Variants in CADM1 observed in about 807,000 individuals in gnomAD.
The protein encoded by CADM1 is cell adhesion molecule 1.
In CADM1, 15 loss-of-function variants were observed where a neutral mutation model predicts 53.1. That is an observed-to-expected ratio of 0.28 (90% CI 0.19 to 0.44). The LOEUF (loss-of-function observed/expected upper bound fraction) is 0.44, where lower values mean the gene tolerates loss of function less well. Ranked by LOEUF, CADM1 falls within the 20% of genes least tolerant of loss-of-function variation. CADM1 has a pLI of 1.00. For synonymous variants in CADM1, 281 were observed against 243.0 expected (o/e 1.16, Z -1.45); for missense variants, 434 against 611.3 (o/e 0.71, Z 3.06).
At chr11:115,379,955 T>C (rs1946532824) in intron 1 of CADM1, among the ~76,000 whole-genome samples, 1 of 152,146 alleles carries the variant, frequency 6.6e-6, no homozygotes. Context: ...CAGTATAGAC[T>C]ATATAATAAA....
intron 3 of CADM1, among the ~76,000 whole-genome samples, 168 bp from the exon 4 acceptor site, chr11:115,231,658 T>C (rs11215436): frequency 0.057 from 8,740 of 152,298 alleles, 364 homozygotes; most frequent in Admixed American, 0.14. Context: ...CAAAATCAGT[T>C]AATTTAGAAT....
intron 1 of CADM1, among the ~76,000 whole-genome samples, chr11:115,248,302 C>A (rs1942474914): frequency 6.6e-6 from 1 of 152,204 alleles, no homozygotes; most frequent in African/African-American, 2.4e-5. Context: ...TGTACTATTA[C>A]AATTTCAACC....
intron 1 of CADM1, among the ~76,000 whole-genome samples, chr11:115,241,848 T>A (rs893370931): frequency 1.4e-4 from 22 of 151,884 alleles, no homozygotes; most frequent in Non-Finnish European, 2.1e-4. Context: ...TGTTCCCACA[T>A]AAAGAAACAA....
At chr11:115,266,574 T>C (rs1363627141) in intron 1 of CADM1, among the ~76,000 whole-genome samples, 2 of 152,362 alleles carry the variant, frequency 1.3e-5, no homozygotes, top group African/African-American at 4.8e-5. Flanking sequence ...ATGCTTGTTC[T>C]ATGCCAGCCA....
At chr11:115,310,905 A>C (rs1204165895) in intron 1 of CADM1, among the ~76,000 whole-genome samples, 1 of 152,216 alleles carries the variant, frequency 6.6e-6, no homozygotes, top group African/African-American at 2.4e-5. Flanking sequence ...GTAACATAAA[A>C]GTCTGTGGCA....
chr11:115,278,658 A>C (rs1331623770), intron 1 of CADM1, among the ~76,000 whole-genome samples: 3 of 152,202 alleles, frequency 2.0e-5, no homozygotes, highest in Admixed American at 2.0e-4. Flanking sequence ...ACAATTCTAC[A>C]GAAGTTTGTA....
At chr11:115,199,089 G>A (rs1940298255) in intron 8 of CADM1, among the ~76,000 whole-genome samples, 1 of 152,142 alleles carries the variant, frequency 6.6e-6, no homozygotes, top group South Asian at 2.1e-4. Flanking sequence ...GGTTTTCACA[G>A]ATTAGTTTCT....
chr11:115,334,269 AT>A (rs1174281134), intron 1 of CADM1, among the ~76,000 whole-genome samples: 1 of 152,182 alleles, frequency 6.6e-6, no homozygotes, highest in East Asian at 1.9e-4. Flanking sequence ...TAAACTCCAC[AT>A]CATAAAGAAT....
Position 115,447,482 on chromosome 11 carries a change from C to G in CADM1, c.124+56789G>C, listed in dbSNP as rs567040345. Among the ~76,000 whole-genome samples the G allele has an allele frequency of 3.9e-5, 6 of 152,296 alleles. 1 individual carries two copies. In the South Asian group the frequency reaches 1.2e-3, roughly 32 times the overall value. On this transcript the variant is annotated intron_variant, in intron 1 of 11. Transcript: ENST00000331581. Reference sequence around the variant, plus strand: ...TTCAAAATCACCCTTTTTGTCTGCTCTGTGAAAATGGATCTGGGCCCTTCA... The same window carrying G: ...TTCAAAATCACCCTTTTTGTCTGCTGTGTGAAAATGGATCTGGGCCCTTCA...
At chr11:115,395,833 A>C (rs373608211) in intron 1 of CADM1, among the ~76,000 whole-genome samples, 3 of 152,218 alleles carry the variant, frequency 2.0e-5, no homozygotes, top group African/African-American at 7.2e-5. Flanking sequence ...CTAATTTTAC[A>C]TATTATTTAA....
intron 1 of CADM1, among the ~76,000 whole-genome samples, chr11:115,250,723 T>C (rs560269740): frequency 2.2e-4 from 34 of 152,340 alleles, no homozygotes; most frequent in African/African-American, 7.5e-4. Flanking sequence ...TTCTTTTTTT[T>C]CCCTTTCTTC....
chr11:115,346,606 T>C (rs948007780), intron 1 of CADM1, among the ~76,000 whole-genome samples: 11 of 152,122 alleles, frequency 7.2e-5, no homozygotes, highest in African/African-American at 2.7e-4. Context: ...TTCTTTTTTG[T>C]TGGGGTGAGT....
At chr11:115,308,141 C>G (rs2040455) in intron 1 of CADM1, among the ~76,000 whole-genome samples, 14,211 of 133,386 alleles carry the variant, frequency 0.11, 793 homozygotes, top group Middle Eastern at 0.14. Context: ...AACTCTCTCT[C>G]TGTGTGTGTG....
chr11:115,285,388 A>G (rs1943704927), intron 1 of CADM1, among the ~76,000 whole-genome samples: 1 of 152,214 alleles, frequency 6.6e-6, no homozygotes, highest in African/African-American at 2.4e-5. Context: ...TAGTTCATTT[A>G]CCCTCAATAA....
At chr11:115,458,559 CAAGCATT>C (rs1948729064) in intron 1 of CADM1, among the ~76,000 whole-genome samples, 1 of 150,658 alleles carries the variant, frequency 6.6e-6, no homozygotes, top group South Asian at 2.1e-4. Context: ...CTAGTCCATG[CAAGCATT>C]TTATCTTGCA....
intron 1 of CADM1, among the ~76,000 whole-genome samples, chr11:115,429,512 G>A (rs192480689): frequency 4.5e-4 from 68 of 151,750 alleles, no homozygotes; most frequent in African/African-American, 1.6e-3. Context: ...GGCTGAGGCA[G>A]GAGAATTGCT....
At chr11:115,259,563 C>A (rs186236353) in intron 1 of CADM1, among the ~76,000 whole-genome samples, 197 of 152,218 alleles carry the variant, frequency 1.3e-3, no homozygotes, top group Non-Finnish European at 2.4e-3. Flanking sequence ...GCCTCGGCCT[C>A]CTGAAATGCC....
chr11:115,280,036 G>T (rs1448881709), intron 1 of CADM1, among the ~76,000 whole-genome samples: 1 of 152,114 alleles, frequency 6.6e-6, no homozygotes, highest in African/African-American at 2.4e-5. Flanking sequence ...TCAAGCCACT[G>T]GATTTAATCC....
chr11:115,249,933 C>A (rs553342467), intron 1 of CADM1, among the ~76,000 whole-genome samples: 47 of 151,710 alleles, frequency 3.1e-4, no homozygotes, highest in African/African-American at 1.1e-3. Flanking sequence ...GAGACAGAGT[C>A]TCCCTCTGTT....
Sources: gnomAD v4.1 joint callset for allele counts (sites outside exome capture counted in the v4.1 genomes callset) on GRCh38, gnomAD v4.1.1 for gene constraint, MANE v1.5 for transcripts, NCBI Gene and HGNC (gene_info 2026-07-23, HGNC 2026-07-21) for gene names.